Variants in ZNF596 observed in about 807,000 individuals in gnomAD.
ZNF596 encodes the protein zinc finger protein 596.
In ZNF596, 45 loss-of-function variants were observed where a neutral mutation model predicts 48.3. That is an observed-to-expected ratio of 0.93 (90% CI 0.73 to 1.19). ZNF596 has a LOEUF of 1.19. Ranked by LOEUF, ZNF596 falls within the 50% of genes most tolerant of loss-of-function variation. The probability of loss-of-function intolerance (pLI) is 0.00; values close to 1 mark genes in which losing one functional copy is unlikely to be tolerated. For missense variants in ZNF596, 848 were observed against 599.7 expected (o/e 1.41, Z -4.32); for synonymous variants, 270 against 202.0 (o/e 1.34, Z -2.85).
chr8:233,129 G>T, intron 1 of ZNF596: 2 of 468,416 alleles, frequency 4.3e-6, no homozygotes, highest in South Asian at 3.1e-5. Context: ...GTTTAGATGG[G>T]AAGTGGATGG....
rs77005331 is a variant in ZNF596, at chr8:244,181, C to T, written c.223+376C>T. ...CTGGGATTACAGTCATGAACCACCA[C>T]GCCCAGCCGGAAGGTTTCTTAAATT... On this transcript the variant is annotated intron_variant, in intron 4 of 5. Transcript: ENST00000398612. 4.2e-3 allele frequency: 879 copies of T among 209,946 alleles called. 7 individuals are homozygous for T. The highest frequency in any genetic ancestry group is 9.7e-3 in the Middle Eastern group (5 of 516). The allele number at this position is 209,946 out of a possible 1,614,324, so 13.0% of individuals were successfully genotyped here. A position where few individuals can be genotyped will look rare whatever the true frequency, so the allele number is the denominator to read the frequency against.
chr8:246,379 C>A lies in ZNF596; in HGVS notation c.*17C>A. 6.4e-7 allele frequency: 1 copy of A among 1,555,072 alleles called. No individual in the cohort carries two copies. On this transcript the variant is annotated 3_prime_UTR_variant, in exon 6 of 6. Coordinates refer to ENST00000398612, the MANE Select transcript of ZNF596 (RefSeq NM_001042416.3). The stretch of plus-strand genomic sequence containing the variant: ...AATATGTAAGAATCATCAGCTGTAG[C>A]GTTAACACTAAATACACCAAGGACA...
intron 2 of ZNF596, among the ~76,000 whole-genome samples, chr8:242,193 T>TA (rs1437580855): frequency 5.3e-5 from 8 of 152,202 alleles, no homozygotes; most frequent in Non-Finnish European, 1.5e-5. Context: ...ACTGAAGTCT[T>TA]AGAGTCCCTG....
At chr8:239,997 A>G (rs1796785177) in intron 1 of ZNF596, among the ~76,000 whole-genome samples, 1 of 152,218 alleles carries the variant, frequency 6.6e-6, no homozygotes, top group Non-Finnish European at 1.5e-5. Context: ...ACCAGGGTCA[A>G]AGACCAAAAA....
intron 1 of ZNF596, chr8:237,815 T>C (rs1796680100): frequency 6.6e-6 from 1 of 152,238 alleles, no homozygotes; most frequent in South Asian, 2.1e-4. Context: ...AAACTTGACA[T>C]GTAGCAGACC....
At chr8:240,723 T>A in intron 1 of ZNF596, 101 bp from the exon 2 acceptor site, 2 of 722,310 alleles carry the variant, frequency 2.8e-6, no homozygotes, top group Non-Finnish European at 4.8e-6. Context: ...ACCCACTGCA[T>A]GTCCTTGTTG....
Sources: gnomAD v4.1 joint callset for allele counts (sites outside exome capture counted in the v4.1 genomes callset) on GRCh38, gnomAD v4.1.1 for gene constraint, MANE v1.5 for transcripts, NCBI Gene and HGNC (gene_info 2026-07-23, HGNC 2026-07-21) for gene names.